The following SCHIP1 variants were observed in gnomAD, a reference collection of about 807,000 sequenced individuals.
SCHIP1 encodes the protein schwannomin interacting protein 1.
A neutral mutation model predicts 29.7 loss-of-function variants in SCHIP1; 8 were observed. That is an observed-to-expected ratio of 0.27 (90% CI 0.16 to 0.49). SCHIP1 has a LOEUF of 0.49. Ranked by LOEUF, SCHIP1 falls within the 20% of genes least tolerant of loss-of-function variation. SCHIP1 has a pLI of 0.99. For synonymous variants in SCHIP1, 76 were observed against 94.9 expected, an observed-to-expected ratio of 0.80 and a Z score of 1.16; for missense variants, 193 against 294.6, an observed-to-expected ratio of 0.66 and a Z score of 2.52.
chr3:159,695,135 G>A, the SCHIP1 span, among the ~76,000 whole-genome samples: 3 of 152,090 alleles, frequency 2.0e-5, no homozygotes, highest in African/African-American at 7.2e-5. Context: ...CATGTGCAGG[G>A]GGCTGTGCTG....
At chr3:159,527,420 G>A in the SCHIP1 span, among the ~76,000 whole-genome samples, 1 of 152,148 alleles carries the variant, frequency 6.6e-6, no homozygotes, top group Admixed American at 6.5e-5. Context: ...ACCACTGAAA[G>A]GATTCCTTCA....
At chr3:159,748,923 G>A in the SCHIP1 span, among the ~76,000 whole-genome samples, 1 of 152,102 alleles carries the variant, frequency 6.6e-6, no homozygotes, top group Non-Finnish European at 1.5e-5. Flanking sequence ...TTTTACAATA[G>A]TTACCAATGA....
chr3:159,318,481 C>T, the SCHIP1 span, among the ~76,000 whole-genome samples: 2 of 152,206 alleles, frequency 1.3e-5, no homozygotes, highest in Non-Finnish European at 2.9e-5. Flanking sequence ...GGAAGATTTC[C>T]CTTCACTGCT....
At chr3:159,849,414 T>G (rs145535850) in intron 1 of SCHIP1, among the ~76,000 whole-genome samples, 2 of 152,322 alleles carry the variant, frequency 1.3e-5, no homozygotes, top group African/African-American at 4.8e-5. Context: ...ATTATTATAA[T>G]TTCATCCATG....
the SCHIP1 span, among the ~76,000 whole-genome samples, chr3:159,704,901 T>C: frequency 1.4e-5 from 1 of 71,296 alleles, no homozygotes; most frequent in African/African-American, 1.3e-4. Flanking sequence ...TCTTTCTTTC[T>C]TTCTTTATTT....
chr3:159,363,457 A>G, the SCHIP1 span, among the ~76,000 whole-genome samples: 1 of 152,326 alleles, frequency 6.6e-6, no homozygotes, highest in Admixed American at 6.5e-5. Flanking sequence ...CCAAAGGATG[A>G]ACCCAATGGG....
At chr3:159,744,329 G>T in the SCHIP1 span, among the ~76,000 whole-genome samples, 6 of 152,256 alleles carry the variant, frequency 3.9e-5, no homozygotes, top group South Asian at 1.2e-3. Flanking sequence ...TTAAAATGTT[G>T]CCAAAATGAG....
the SCHIP1 span, among the ~76,000 whole-genome samples, chr3:159,510,662 C>CTGTT: frequency 6.6e-6 from 1 of 152,172 alleles, no homozygotes; most frequent in South Asian, 2.1e-4. Context: ...GATGTCCTTT[C>CTGTT]TGTTTGTTAG....
chr3:159,714,047 G>T, the SCHIP1 span, among the ~76,000 whole-genome samples: 1 of 152,128 alleles, frequency 6.6e-6, no homozygotes, highest in Admixed American at 6.5e-5. Context: ...GGCCAGCATG[G>T]CCAACATAGC....
the SCHIP1 span, among the ~76,000 whole-genome samples, chr3:159,420,848 C>T: frequency 1.3e-5 from 2 of 152,134 alleles, no homozygotes; most frequent in Admixed American, 1.3e-4. Context: ...ATTGGTAACA[C>T]CTGCTTTGAG....
chr3:159,537,386 C>G, the SCHIP1 span, among the ~76,000 whole-genome samples: 1 of 152,162 alleles, frequency 6.6e-6, no homozygotes, highest in Non-Finnish European at 1.5e-5. Flanking sequence ...GAGGATTACT[C>G]GCCCTCTCGA....
chr3:159,379,950 T>C, the SCHIP1 span, among the ~76,000 whole-genome samples: 2 of 152,216 alleles, frequency 1.3e-5, no homozygotes, highest in Non-Finnish European at 2.9e-5. Flanking sequence ...ATATTTTCTC[T>C]TTGTTTTCTA....
At chr3:159,827,736 C>T in the SCHIP1 span, among the ~76,000 whole-genome samples, 1 of 150,314 alleles carries the variant, frequency 6.7e-6, no homozygotes, top group East Asian at 2.0e-4. Flanking sequence ...ACCCGGGAAG[C>T]GGAGCTTGCA....
chr3:159,706,927 C>T, the SCHIP1 span, among the ~76,000 whole-genome samples: 1 of 152,176 alleles, frequency 6.6e-6, no homozygotes, highest in Non-Finnish European at 1.5e-5. Context: ...TTATTCAGCA[C>T]TCGTTATGTG....
chr3:159,527,961 T>C, the SCHIP1 span, among the ~76,000 whole-genome samples: 2 of 152,206 alleles, frequency 1.3e-5, no homozygotes, highest in African/African-American at 4.8e-5. Flanking sequence ...TGATGACAGA[T>C]AACTTTTAGT....
the SCHIP1 span, among the ~76,000 whole-genome samples, chr3:159,611,528 G>A: frequency 6.7e-6 from 1 of 149,972 alleles, no homozygotes; most frequent in South Asian, 2.2e-4. Context: ...AGGGCGTGTT[G>A]GGGGGTGGGG....
chr3:159,855,889 C>T (rs1312582432), intron 1 of SCHIP1, among the ~76,000 whole-genome samples: 3 of 152,180 alleles, frequency 2.0e-5, no homozygotes, highest in Non-Finnish European at 4.4e-5. Context: ...TAGATTCCAC[C>T]GAAGCAAAGG....
chr3:159,295,266 AAAAAAAAAAAC>A, the SCHIP1 span, among the ~76,000 whole-genome samples: 3 of 146,262 alleles, frequency 2.1e-5, no homozygotes, highest in Non-Finnish European at 4.5e-5. Flanking sequence ...AAAAAAAAAA[AAAAAAAAAAAC>A]AACTAGCCAG....
the SCHIP1 span, among the ~76,000 whole-genome samples, chr3:159,744,673 G>A: frequency 6.6e-6 from 1 of 152,192 alleles, no homozygotes; most frequent in Non-Finnish European, 1.5e-5. Context: ...GAAGCCTGTT[G>A]AACATCAGAA....
Sources: gnomAD v4.1 joint callset for allele counts (sites outside exome capture counted in the v4.1 genomes callset) on GRCh38, gnomAD v4.1.1 for gene constraint, MANE v1.5 for transcripts, NCBI Gene and HGNC (gene_info 2026-07-23, HGNC 2026-07-21) for gene names.